Variants in CDIN1 observed in about 807,000 individuals in gnomAD.
CDIN1 encodes the protein CDAN1 interacting nuclease 1.
CDIN1 carries 33 observed loss-of-function variants against 45.3 expected under a neutral mutation model. The ratio of observed to expected loss-of-function variants is 0.73; its 90% CI spans 0.55 to 0.97. The LOEUF (loss-of-function observed/expected upper bound fraction) is 0.97, where lower values mean the gene tolerates loss of function less well. CDIN1 is among the 50% of genes least tolerant of loss of function. The probability of loss-of-function intolerance (pLI) is 0.00; values close to 1 mark genes in which losing one functional copy is unlikely to be tolerated. For missense variants in CDIN1, 303 were observed against 339.4 expected (o/e 0.89, Z 0.84); for synonymous variants, 118 against 124.4 (o/e 0.95, Z 0.34).
chr15:36,767,894 C>T (rs1270073357), intron 10 of CDIN1, among the ~76,000 whole-genome samples: 3 of 152,160 alleles, frequency 2.0e-5, no homozygotes, highest in African/African-American at 2.4e-5. Flanking sequence ...ATGACTTCCT[C>T]ATTTTAAGTA....
intron 1 of CDIN1, chr15:36,616,961 T>A: frequency 2.0e-6 from 1 of 490,484 alleles, no homozygotes; most frequent in South Asian, 3.7e-5. Flanking sequence ...AATAAAATTG[T>A]AAAAGTATTA....
At chr15:36,673,211 C>G (rs909046930) in intron 5 of CDIN1, among the ~76,000 whole-genome samples, 3 of 152,014 alleles carry the variant, frequency 2.0e-5, no homozygotes, top group African/African-American at 7.2e-5. Context: ...GCAGAGCTGT[C>G]TCCGGGTGTT....
At chr15:36,641,695 G>T (rs146802179) in intron 1 of CDIN1, 3 of 152,146 alleles carry the variant, frequency 2.0e-5, no homozygotes, top group Non-Finnish European at 4.4e-5. Flanking sequence ...AAAAAAATGT[G>T]AGTACTTGAC....
chr15:36,767,872 T>C (rs538863572), intron 10 of CDIN1, among the ~76,000 whole-genome samples: 3 of 152,214 alleles, frequency 2.0e-5, no homozygotes, highest in Non-Finnish European at 2.9e-5. Context: ...CTAATTTGCC[T>C]TCCATCAAGG....
intron 10 of CDIN1, among the ~76,000 whole-genome samples, chr15:36,733,197 A>G (rs924065163): frequency 2.0e-5 from 3 of 152,038 alleles, no homozygotes; most frequent in Non-Finnish European, 2.9e-5. Flanking sequence ...CATTTTCTTG[A>G]GTTACAGATA....
At chr15:36,802,175 A>C (rs1293428073) in intron 10 of CDIN1, among the ~76,000 whole-genome samples, 1 of 152,168 alleles carries the variant, frequency 6.6e-6, no homozygotes, top group East Asian at 1.9e-4. Flanking sequence ...TTTGGGCCCC[A>C]GTTTCTTCAT....
chr15:36,607,219 T>C (rs981332321), intron 1 of CDIN1, among the ~76,000 whole-genome samples: 1 of 152,192 alleles, frequency 6.6e-6, no homozygotes, highest in South Asian at 2.1e-4. Context: ...TAATATCTTA[T>C]CAAATTGTTG....
chr15:36,804,562 A>T (rs975509848), intron 10 of CDIN1: 1 of 151,966 alleles, frequency 6.6e-6, no homozygotes, highest in Non-Finnish European at 1.5e-5. Flanking sequence ...AAATGGTGAA[A>T]CAGAGGGATA....
chr15:36,751,887 T>C (rs140394129), intron 10 of CDIN1, among the ~76,000 whole-genome samples: 2 of 152,300 alleles, frequency 1.3e-5, no homozygotes, highest in Admixed American at 6.5e-5. Context: ...CTCAGCAAAC[T>C]AACGCAGGAA....
At chr15:36,667,059 C>G (rs1338184930) in intron 5 of CDIN1, among the ~76,000 whole-genome samples, 2 of 152,184 alleles carry the variant, frequency 1.3e-5, no homozygotes, top group Non-Finnish European at 2.9e-5. Context: ...CTGTGCTCCT[C>G]ACAATTATGC....
chr15:36,584,389 C>T (rs1337087384), intron 1 of CDIN1, among the ~76,000 whole-genome samples: 2 of 152,070 alleles, frequency 1.3e-5, no homozygotes, highest in Admixed American at 6.5e-5. Flanking sequence ...GAGTTAGGAA[C>T]GTGCCACTGC....
chr15:36,701,996 A>G, intron 8 of CDIN1: 1 of 701,096 alleles, frequency 1.4e-6, no homozygotes. Flanking sequence ...TGATGTGACA[A>G]ACAGGGGATT....
intron 1 of CDIN1, among the ~76,000 whole-genome samples, chr15:36,580,980 T>C (rs1277833224): frequency 6.6e-6 from 1 of 152,246 alleles, no homozygotes; most frequent in Non-Finnish European, 1.5e-5. Flanking sequence ...AGTTCTGTTA[T>C]GACTTTGCTT....
In CDIN1 at chr15:36,706,099, C is replaced by T. The variant is rs561033573; in HGVS notation, c.545-3124C>T. On this transcript the variant is annotated intron_variant, in intron 8 of 10. Transcript: ENST00000566621. ...AAATTCAAAGAATCATAAGTAACTA[C>T]TTGGCTCAAACATATGCAGTTTTAT... The T allele has an allele frequency of 1.1e-4, 17 of 152,210 alleles. 1 individual carries two copies. In the South Asian group the frequency reaches 3.3e-3, roughly 30 times the overall value. 9.4% of individuals were successfully genotyped at this position (152,210 alleles called of 1,614,324 possible).
intron 1 of CDIN1, among the ~76,000 whole-genome samples, chr15:36,621,516 C>T (rs1837976762): frequency 6.6e-6 from 1 of 152,060 alleles, no homozygotes; most frequent in African/African-American, 2.4e-5. Flanking sequence ...TAAAAATCAC[C>T]TACTAGGTGA....
chr15:36,609,642 C>T (rs1163779687), intron 1 of CDIN1, among the ~76,000 whole-genome samples: 1 of 152,176 alleles, frequency 6.6e-6, no homozygotes, highest in East Asian at 1.9e-4. Flanking sequence ...ATTTCTTTAG[C>T]TGAATGCTGG....
At chr15:36,716,884 G>A (rs1385948018) in intron 10 of CDIN1, among the ~76,000 whole-genome samples, 1 of 152,114 alleles carries the variant, frequency 6.6e-6, no homozygotes, top group African/African-American at 2.4e-5. Flanking sequence ...GCCTTTGAGG[G>A]GTTAACAGTG....
At chr15:36,796,449 A>G (rs985721653) in intron 10 of CDIN1, among the ~76,000 whole-genome samples, 8 of 152,174 alleles carry the variant, frequency 5.3e-5, no homozygotes, top group African/African-American at 1.9e-4. Context: ...AATAGAAAAA[A>G]ATTACAAAGC....
intron 8 of CDIN1, among the ~76,000 whole-genome samples, chr15:36,699,557 G>T: frequency 6.6e-6 from 1 of 152,044 alleles, no homozygotes; most frequent in Non-Finnish European, 1.5e-5. Flanking sequence ...AATTTGGACT[G>T]CATTCAAAAG....
Sources: allele counts gnomAD v4.1 joint callset (sites outside exome capture counted in the v4.1 genomes callset), GRCh38; gene constraint gnomAD v4.1.1; transcripts MANE v1.5; gene names NCBI Gene and HGNC (gene_info 2026-07-23, HGNC 2026-07-21).